Variants in DMXL1 observed in about 807,000 individuals in gnomAD.
DMXL1 encodes the protein Dmx like 1.
DMXL1 carries 99 observed loss-of-function variants against 319.2 expected under a neutral mutation model. The ratio of observed to expected loss-of-function variants is 0.31; its 90% CI spans 0.26 to 0.37. DMXL1 has a LOEUF of 0.37. DMXL1 is among the 10% of genes least tolerant of loss of function. DMXL1 has a pLI of 1.00. For synonymous variants in DMXL1, 1,385 were observed against 1,235.2 expected (o/e 1.12, Z -2.54); for missense variants, 3,745 against 3,595.6 (o/e 1.04, Z -1.06).
At chr5:119,117,880 C>T (rs1761184994) in intron 7 of DMXL1, among the ~76,000 whole-genome samples, 1 of 152,218 alleles carries the variant, frequency 6.6e-6, no homozygotes, top group Admixed American at 6.5e-5. Flanking sequence ...TTTGATTTCT[C>T]ATTTACTTTA....
At chr5:119,214,061 C>T (rs547854053) in intron 34 of DMXL1, among the ~76,000 whole-genome samples, 13 of 152,022 alleles carry the variant, frequency 8.6e-5, no homozygotes, top group Non-Finnish European at 1.8e-4. Context: ...GGTTATCTTA[C>T]GGTTTAAATA....
intron 33 of DMXL1, among the ~76,000 whole-genome samples, chr5:119,205,804 C>G (rs1420056065): frequency 6.6e-6 from 1 of 151,986 alleles, no homozygotes; most frequent in Non-Finnish European, 1.5e-5. Flanking sequence ...GGAAAGGTTA[C>G]TAGCCTATTT....
rs543340246 is a variant in DMXL1, at chr5:119,172,088, A to G, written c.6681+119A>G. ...TCAGACTAAGCATAGCAATTGTTAC[A>G]TTGCCAAGTTTATGTTGATTCCTAT... On this transcript the variant is annotated intron_variant, in intron 25 of 43. Transcript: ENST00000539542. 11 of 905,844 alleles carry G rather than the reference A, an allele frequency of 1.2e-5. No homozygotes were observed. In the African/African-American group the frequency reaches 1.8e-4, roughly 14 times the overall value. 56.1% of individuals were successfully genotyped at this position (905,844 alleles called of 1,614,324 possible). A position where few individuals can be genotyped will look rare whatever the true frequency, so the allele number is the denominator to read the frequency against.
chr5:119,132,674 C>CAAAAAAA (rs372333927), intron 10 of DMXL1: 4 of 333,144 alleles, frequency 1.2e-5, no homozygotes, highest in Admixed American at 4.2e-5. Context: ...GACTCCGTCT[C>CAAAAAAA]AAAAAAAAAA....
intron 38 of DMXL1, among the ~76,000 whole-genome samples, chr5:119,232,317 A>G (rs1786904248): frequency 6.6e-6 from 1 of 152,216 alleles, no homozygotes; most frequent in South Asian, 2.1e-4. Flanking sequence ...CAATGGTAAA[A>G]GCTTTCAAAC....
At chr5:119,073,094 C>T (rs1580519142) in intron 1 of DMXL1, among the ~76,000 whole-genome samples, 1 of 152,154 alleles carries the variant, frequency 6.6e-6, no homozygotes, top group African/African-American at 2.4e-5. Flanking sequence ...ATGAGGTCTC[C>T]CTCTGTCACC....
At chr5:119,147,572 T>A in intron 17 of DMXL1, 102 bp downstream of exon 17, 2 of 732,678 alleles carry the variant, frequency 2.7e-6, no homozygotes, top group Non-Finnish European at 4.6e-6. Flanking sequence ...CACACAGAAC[T>A]AGAAATGGAA....
intron 28 of DMXL1, among the ~76,000 whole-genome samples, chr5:119,180,091 C>A (rs574783436): frequency 6.6e-6 from 1 of 152,250 alleles, no homozygotes; most frequent in South Asian, 2.1e-4. Flanking sequence ...TTGCCAACCC[C>A]TGCTTTACAA....
chr5:119,086,703 A>G (rs575370108), intron 1 of DMXL1, among the ~76,000 whole-genome samples: 1 of 152,286 alleles, frequency 6.6e-6, no homozygotes, highest in African/African-American at 2.4e-5. Flanking sequence ...AATACTTTTT[A>G]TTATGGCTTC....
rs995397723 is a variant in DMXL1 at position 119,221,387 on chromosome 5, G to C, written c.8277+306G>C. 1.2e-4 allele frequency among the ~76,000 whole-genome samples: 18 copies of C among 152,270 alleles called. No individual in the cohort carries two copies. The East Asian group carries it at 3.3e-3, about 28-fold the overall frequency. On this transcript the variant is annotated intron_variant, in intron 37 of 43. Transcript: ENST00000539542. ...TCCCCATAGATCAAATATTACCCATGACCTGTTTTTATATAGCTAATATGC... is the reference window on the plus strand; with the variant it reads ...TCCCCATAGATCAAATATTACCCATCACCTGTTTTTATATAGCTAATATGC...
chr5:119,137,861 A>G (rs1766379796), intron 13 of DMXL1, among the ~76,000 whole-genome samples: 1 of 152,230 alleles, frequency 6.6e-6, no homozygotes, highest in African/African-American at 2.4e-5. Flanking sequence ...GTAAAGGAAC[A>G]GCAAAAAGGC....
intron 23 of DMXL1, among the ~76,000 whole-genome samples, chr5:119,168,951 G>A (rs1177731973): frequency 6.6e-6 from 1 of 151,874 alleles, no homozygotes. Context: ...ACCCAGGCTG[G>A]AGTGCAGTGG....
intron 19 of DMXL1, among the ~76,000 whole-genome samples, chr5:119,158,493 T>C (rs569915886): frequency 1.6e-4 from 25 of 152,354 alleles, no homozygotes; most frequent in African/African-American, 5.8e-4. Context: ...CTAAATGCTC[T>C]GGCAGGGACT....
Position 119,122,857 on chromosome 5 carries a change from C to T in DMXL1, c.1102+1718C>T, listed in dbSNP as rs577413453. Among the ~76,000 whole-genome samples, 536 of 147,286 alleles carry T rather than the reference C, an allele frequency of 3.6e-3. 3 individuals carry two copies. Among genetic ancestry groups the T allele is most frequent in the African/African-American group, 0.012 (497 of 39,844 alleles). Reference sequence around the variant, plus strand: ...GCAGAGGGGCTCCTCACATCCCAGACGATGGGCGGCCAGGCAGAGACGCTC... The same window carrying T: ...GCAGAGGGGCTCCTCACATCCCAGATGATGGGCGGCCAGGCAGAGACGCTC... On this transcript the variant is annotated intron_variant, in intron 9 of 43. Transcript: ENST00000539542.
intron 36 of DMXL1, 142 bp downstream of exon 36, chr5:119,220,735 A>G (rs1399192543): frequency 3.2e-5 from 38 of 1,191,310 alleles, no homozygotes; most frequent in Non-Finnish European, 4.4e-5. Flanking sequence ...GAGGGGTGGC[A>G]AGAGCTTTAA....
At chr5:119,229,500 C>G (rs1358059432) in intron 38 of DMXL1, among the ~76,000 whole-genome samples, 9 of 152,060 alleles carry the variant, frequency 5.9e-5, no homozygotes, top group East Asian at 1.9e-4. Flanking sequence ...TTTCCAAATT[C>G]CTCTTACACA....
intron 1 of DMXL1, among the ~76,000 whole-genome samples, chr5:119,085,665 T>C (rs1753201226): frequency 6.6e-6 from 1 of 152,170 alleles, no homozygotes; most frequent in Non-Finnish European, 1.5e-5. Flanking sequence ...CCTTTCCAAT[T>C]TGGTTACCCT....
rs765706067 is a variant in DMXL1, at chr5:119,245,425, C to A, written c.8922+849C>A. Among the ~76,000 whole-genome samples, 90 of 152,112 alleles carry A rather than the reference C, an allele frequency of 5.9e-4. 1 individual carries two copies. The highest frequency in any genetic ancestry group is 6.5e-4 in the Non-Finnish European group (44 of 67,988). On this transcript the variant is annotated intron_variant, in intron 43 of 43. Transcript: ENST00000539542. ...ACTAGAATTATGGAATTTTTAAAAG[C>A]CTTTTTCTTAAAATCAAATATATAT...
chr5:119,202,800 A>G (rs1022556939), intron 32 of DMXL1, among the ~76,000 whole-genome samples: 4 of 149,488 alleles, frequency 2.7e-5, no homozygotes, highest in Admixed American at 6.7e-5. Context: ...GCAGTGAGCC[A>G]AGATCGCCCT....
Sources: gnomAD v4.1 joint callset for allele counts (sites outside exome capture counted in the v4.1 genomes callset) on GRCh38, gnomAD v4.1.1 for gene constraint, MANE v1.5 for transcripts, NCBI Gene and HGNC (gene_info 2026-07-23, HGNC 2026-07-21) for gene names.